JAK1: variants seen among roughly 807,000 people sequenced by gnomAD.
JAK1 encodes the protein Janus kinase 1.
Under a neutral mutation model 136.6 loss-of-function variants are expected in JAK1, and 16 were observed. The observed-to-expected ratio is 0.12, with a 90% CI of 0.08 to 0.18. JAK1 has a LOEUF of 0.18. Ranked by LOEUF, JAK1 falls within the 10% of genes least tolerant of loss-of-function variation. The probability of loss-of-function intolerance (pLI) is 1.00; values close to 1 mark genes in which losing one functional copy is unlikely to be tolerated. For missense variants in JAK1, 859 were observed against 1,450.1 expected (o/e 0.59, Z 6.62); for synonymous variants, 492 against 519.5 (o/e 0.95, Z 0.72).
chr1:64,961,310 A>T (rs1226355951), intron 1 of JAK1, among the ~76,000 whole-genome samples: 1 of 152,184 alleles, frequency 6.6e-6, no homozygotes, highest in African/African-American at 2.4e-5. Flanking sequence ...GATAAATGGC[A>T]GATAATAAAA....
chr1:64,833,277 T>C lies in JAK1; in HGVS notation c.*1285A>G, dbSNP rs1475730039. 4.3e-6 allele frequency: 1 copy of C among 231,438 alleles called. No individual in the cohort carries two copies. Among genetic ancestry groups the C allele is most frequent in the African/African-American group, 2.2e-5 (1 of 45,192 alleles). The allele number at this position is 231,438 out of a possible 1,614,324, so 14.3% of individuals were successfully genotyped here. ...GTATAAAGAGTAAACAAAGTGCATATAGAGTGGCCACAGGTTTGACACAGA... is the reference window on the plus strand; with the variant it reads ...GTATAAAGAGTAAACAAAGTGCATACAGAGTGGCCACAGGTTTGACACAGA... On this transcript the variant is annotated 3_prime_UTR_variant, in exon 25 of 25. Coordinates refer to ENST00000342505, the MANE Select transcript of JAK1 (RefSeq NM_002227.4).
chr1:64,986,035 C>CGATT (rs1311672452), intron 2 of JAK1: 1 of 1,336,074 alleles, frequency 7.5e-7, no homozygotes, highest in East Asian at 2.6e-5. Context: ...TGGAAAGAGC[C>CGATT]GATTGTAGCA....
intron 2 of JAK1, among the ~76,000 whole-genome samples, chr1:65,029,252 G>A (rs1275495850): frequency 1.3e-5 from 2 of 151,976 alleles, no homozygotes; most frequent in African/African-American, 4.8e-5. Flanking sequence ...ATGCACCACT[G>A]TGCCCAGCTA....
intron 5 of JAK1, among the ~76,000 whole-genome samples, chr1:64,871,944 G>A (rs914036687): frequency 6.6e-6 from 1 of 152,128 alleles, no homozygotes; most frequent in Non-Finnish European, 1.5e-5. Flanking sequence ...CACACTCAGG[G>A]TTAAAGCATA....
chr1:64,967,039 C>T (rs1283951977), upstream of JAK1, among the ~76,000 whole-genome samples: 2 of 150,916 alleles, frequency 1.3e-5, no homozygotes, highest in African/African-American at 4.9e-5. Context: ...CAACCCATTC[C>T]GTATTTTAAA....
chr1:64,877,356 T>C (rs941714241), intron 4 of JAK1, among the ~76,000 whole-genome samples: 9 of 152,074 alleles, frequency 5.9e-5, no homozygotes, highest in African/African-American at 1.4e-4. Context: ...TCAAAGGGCC[T>C]GTGGTAACAA....
rs142393341 is a variant in JAK1 at position 64,902,551 on chromosome 1, T to TGAGAGAGAGA, written c.-77-16220_-77-16211dup. ...CATGGTGCCTTTACTCATGAATTTG[T>TGAGAGAGAGA]GAGAGAGAGAGAGAGAGAGAGAGAG... On this transcript the variant is annotated intron_variant, in intron 1 of 24. Coordinates refer to ENST00000342505, the MANE Select transcript of JAK1 (RefSeq NM_002227.4). Among the ~76,000 whole-genome samples, 22 of 102,420 alleles carry TGAGAGAGAGA rather than the reference T, an allele frequency of 2.1e-4. 1 individual carries two copies. The East Asian group carries it at 3.0e-3, about 14-fold the overall frequency. The allele number at this position is 102,420 out of a possible 152,430, so 67.2% of individuals were successfully genotyped here.
intron 2 of JAK1, chr1:64,989,794 C>A (rs573741): frequency 0.9 from 137,129 of 152,184 alleles, 61,847 homozygotes; most frequent in East Asian, 1. Context: ...GGGAATTTAG[C>A]CAGCCATGCA....
intron 11 of JAK1, among the ~76,000 whole-genome samples, chr1:64,853,798 C>G (rs550391771): frequency 2.0e-5 from 3 of 152,158 alleles, no homozygotes; most frequent in Non-Finnish European, 4.4e-5. Context: ...ATTATTCACG[C>G]TGACTCCGTG....
In JAK1 at chr1:64,860,244, G is replaced by T. The variant is rs1656203026; in HGVS notation, c.1195C>A (p.His399Asn). The T allele has an allele frequency of 1.2e-6, 2 of 1,605,178 alleles. No individual in the cohort carries two copies. The highest frequency in any genetic ancestry group is 1.7e-6 in the Non-Finnish European group (2 of 1,174,234). Residue 399 changes from histidine to asparagine, a missense_variant, in exon 9 of 25, where the codon CAC (histidine) becomes AAC (asparagine). Physicochemically the swap from His to Asn is moderately conservative, Grantham distance 68 (BLOSUM62 1). This residue lies in a region of JAK1 where 353 missense variants were observed against 494.0 expected (regional missense o/e 0.71). Transcript: ENST00000342505. ...NKKMELKLSS[H>N]EEALSFVSLV... ...GACACAAAGGACAAGGCCTCCTCGTGGGAAGAGAGCTTCAGTTCCTGTTGA... is the reference window on the plus strand; with the variant it reads ...GACACAAAGGACAAGGCCTCCTCGTTGGAAGAGAGCTTCAGTTCCTGTTGA...
intron 19 of JAK1, among the ~76,000 whole-genome samples, 170 bp downstream of exon 19, chr1:64,841,075 A>C (rs1226377278): frequency 1.3e-5 from 2 of 152,172 alleles, no homozygotes; most frequent in African/African-American, 4.8e-5. Flanking sequence ...ACATGGAGAA[A>C]GACACAATCC....
At chr1:64,953,061 T>TG (rs755082957) in intron 1 of JAK1, among the ~76,000 whole-genome samples, 2 of 152,206 alleles carry the variant, frequency 1.3e-5, no homozygotes, top group African/African-American at 2.4e-5. Context: ...GTTTCTGTAG[T>TG]GGGAAGCCAA....
intron 8 of JAK1, among the ~76,000 whole-genome samples, chr1:64,864,474 C>T (rs1656571149): frequency 6.6e-6 from 1 of 152,212 alleles, no homozygotes; most frequent in African/African-American, 2.4e-5. Context: ...GAAACACTGA[C>T]ATTCGCTGGT....
intron 1 of JAK1, among the ~76,000 whole-genome samples, chr1:64,920,515 G>T (rs192537565): frequency 2.8e-4 from 42 of 152,086 alleles, no homozygotes; most frequent in Admixed American, 2.4e-3. Context: ...CTGCACTCCT[G>T]CCTGGGCGAC....
At chr1:64,888,331 G>A (rs1234309559) in intron 1 of JAK1, among the ~76,000 whole-genome samples, 1 of 152,070 alleles carries the variant, frequency 6.6e-6, no homozygotes, top group African/African-American at 2.4e-5. Context: ...ACAGGCATGC[G>A]CCACTACGTC....
chr1:64,947,856 A>C (rs983837293), intron 1 of JAK1, among the ~76,000 whole-genome samples: 14 of 152,048 alleles, frequency 9.2e-5, no homozygotes, highest in Admixed American at 3.9e-4. Flanking sequence ...ATACCTCTGA[A>C]GGGAACAATG....
At chr1:64,873,111 T>C (rs558654248) in intron 5 of JAK1, among the ~76,000 whole-genome samples, 2 of 151,962 alleles carry the variant, frequency 1.3e-5, no homozygotes, top group Non-Finnish European at 2.9e-5. Context: ...AATAAAATGG[T>C]AGGAGGTGGG....
At chr1:64,916,772 G>T (rs535122744) in intron 1 of JAK1, among the ~76,000 whole-genome samples, 1 of 151,628 alleles carries the variant, frequency 6.6e-6, no homozygotes, top group Non-Finnish European at 1.5e-5. Context: ...GGGAGGCAGA[G>T]GTTGCAGTGA....
At chr1:65,037,181 C>A (rs562857214) in intron 2 of JAK1, among the ~76,000 whole-genome samples, 1 of 152,040 alleles carries the variant, frequency 6.6e-6, no homozygotes, top group African/African-American at 2.4e-5. Context: ...GCAAGCAAGA[C>A]CTCATCTCAA....
Sources: gnomAD v4.1 joint callset for allele counts (sites outside exome capture counted in the v4.1 genomes callset) on GRCh38, gnomAD v4.1.1 for gene constraint, gnomAD v4.1.1 regional missense constraint, MANE v1.5 for transcripts, NCBI Gene and HGNC (gene_info 2026-07-23, HGNC 2026-07-21) for gene names.